The following ZNF609 variants were observed in gnomAD, a reference collection of about 807,000 sequenced individuals.
The protein encoded by ZNF609 is zinc finger protein 609.
A neutral mutation model predicts 109.5 loss-of-function variants in ZNF609; 11 were observed. That is an observed-to-expected ratio of 0.10 (90% CI 0.06 to 0.17). The LOEUF (loss-of-function observed/expected upper bound fraction) is 0.17. Among genes scored for constraint, ZNF609 ranks in the 10% least tolerant of loss-of-function variants. ZNF609 has a pLI of 1.00. For missense variants in ZNF609, 1,559 were observed against 1,772.4 expected (o/e 0.88, Z 2.16); for synonymous variants, 646 against 662.0 (o/e 0.98, Z 0.37).
At chr15:64,631,884 G>C (rs1896086992) in intron 3 of ZNF609, 1 of 156,660 alleles carries the variant, frequency 6.4e-6, no homozygotes, top group Admixed American at 6.5e-5. Context: ...AACATATATT[G>C]GGTGCCTCTC....
At chr15:64,497,473 A>G (rs1299722072) in intron 1 of ZNF609, among the ~76,000 whole-genome samples, 1 of 152,192 alleles carries the variant, frequency 6.6e-6, no homozygotes, top group Non-Finnish European at 1.5e-5. Context: ...CTCTGAGGGA[A>G]TAGGTAAAAA....
intron 2 of ZNF609, among the ~76,000 whole-genome samples, chr15:64,588,442 A>AAAAAAAAAAAAAAGAAGAAG (rs71133451): frequency 2.7e-5 from 2 of 75,282 alleles, no homozygotes; most frequent in African/African-American, 1.0e-4. Flanking sequence ...AAAAAAAAAA[A>AAAAAAAAAAAAAAGAAGAAG]AAGAAGAGGA....
chr15:64,562,504 A>G (rs1295306857), intron 2 of ZNF609, among the ~76,000 whole-genome samples: 1 of 152,152 alleles, frequency 6.6e-6, no homozygotes, highest in Non-Finnish European at 1.5e-5. Flanking sequence ...ATTTAATGTG[A>G]TGAAGGCACT....
rs909686618 is a variant in ZNF609, at chr15:64,635,836, A to G, written c.973+12784A>G. ...CCTCTTAATGATACCGGTGAGAACT[A>G]ACTCCATTTCTCTCTTTAACTCGCT... On this transcript the variant is annotated intron_variant, in intron 3 of 9. Coordinates refer to ENST00000326648, the MANE Select transcript of ZNF609 (RefSeq NM_015042.2). Among the ~76,000 whole-genome samples the G allele has an allele frequency of 4.6e-5, 7 of 150,746 alleles. No individual in the cohort carries two copies. The East Asian group carries it at 1.2e-3, about 25-fold the overall frequency.
rs1219679705 is a variant in ZNF609 at position 64,674,009 on chromosome 15, G to A, written c.1155G>A (p.Glu385=). The A allele has an allele frequency of 1.2e-6, 2 of 1,614,130 alleles. No individual in the cohort carries two copies. The highest frequency in any genetic ancestry group is 1.3e-5 in the African/African-American group (1 of 75,018). Residue 385 remains glutamate, a synonymous_variant, in exon 5 of 10, where the codon GAG becomes GAA. Transcript: ENST00000326648. The part of the protein sequence containing the change: ...MRPNSNTPVN[E]TATASDSKGT... The stretch of plus-strand genomic sequence containing the variant: ...CCAACAGTAATACACCTGTCAATGA[G>A]ACAGCCACAGCCTCTGACAGCAAAG...
In ZNF609 at chr15:64,680,236, C is replaced by T. The variant is rs1328077311; in HGVS notation, c.3821C>T (p.Ser1274Leu). The T allele has an allele frequency of 2.5e-6, 4 of 1,614,090 alleles. No individual in the cohort carries two copies. The highest frequency in any genetic ancestry group is 3.4e-6 in the Non-Finnish European group (4 of 1,180,058). The change falls in exon 7 of 10, where the codon TCA becomes TTA. Residue 1274 changes from serine (S) to leucine (L), a missense_variant. Physicochemically the swap from Ser to Leu is moderately radical, Grantham distance 145. Around this residue, in one of 4 missense-constraint regions of ZNF609, gnomAD observed 1,204 missense variants for 1,314.1 expected, o/e 0.92. Coordinates refer to ENST00000326648, the MANE Select transcript of ZNF609 (RefSeq NM_015042.2). ...TTTTCCCCATATGGCAGCAAGGTCT[C>T]AGGTGGTGAAGATGCTGACAAGGCA... ...YSFSPYGSKVSGGEDADKARA... is the reference protein window; with the variant it reads ...YSFSPYGSKVLGGEDADKARA...
chr15:64,497,732 G>A (rs140875218), intron 1 of ZNF609, among the ~76,000 whole-genome samples: 1 of 151,872 alleles, frequency 6.6e-6, no homozygotes, highest in East Asian at 1.9e-4. Context: ...GTGAAACCCC[G>A]TCTCTACTAA....
chr15:64,544,300 A>G (rs1214387046), intron 2 of ZNF609, among the ~76,000 whole-genome samples: 1 of 152,218 alleles, frequency 6.6e-6, no homozygotes, highest in Non-Finnish European at 1.5e-5. Flanking sequence ...AGATCATGCC[A>G]CTGCCCTCAG....
At chr15:64,479,881 T>C (rs766543925) in intron 1 of ZNF609, among the ~76,000 whole-genome samples, 2 of 151,708 alleles carry the variant, frequency 1.3e-5, no homozygotes, top group Non-Finnish European at 2.9e-5. Flanking sequence ...ATTGCACCAC[T>C]GTACTCCAGC....
chr15:64,563,111 C>G (rs1177787804), intron 2 of ZNF609, among the ~76,000 whole-genome samples: 2 of 151,876 alleles, frequency 1.3e-5, no homozygotes, highest in Non-Finnish European at 2.9e-5. Context: ...CCACTGCACT[C>G]CAGCCTGGGC....
At chr15:64,496,847 T>C (rs1474627163) in intron 1 of ZNF609, among the ~76,000 whole-genome samples, 1 of 152,012 alleles carries the variant, frequency 6.6e-6, no homozygotes, top group Admixed American at 6.6e-5. Flanking sequence ...AGCGTCTCGC[T>C]CTGTCACCCA....
At chr15:64,494,784 C>T (rs1285691821) in intron 1 of ZNF609, among the ~76,000 whole-genome samples, 1 of 152,124 alleles carries the variant, frequency 6.6e-6, no homozygotes, top group Non-Finnish European at 1.5e-5. Flanking sequence ...CTAGGCCTCC[C>T]AAAGTGCTGG....
At chr15:64,487,603 A>G (rs1893350583) in intron 1 of ZNF609, among the ~76,000 whole-genome samples, 1 of 150,238 alleles carries the variant, frequency 6.7e-6, no homozygotes, top group Non-Finnish European at 1.5e-5. Context: ...CCTTTGATTC[A>G]CAGGTGTTTT....
chr15:64,573,086 G>T (rs1027166553), intron 2 of ZNF609, among the ~76,000 whole-genome samples: 6 of 152,214 alleles, frequency 3.9e-5, no homozygotes, highest in Middle Eastern at 3.4e-3. Context: ...ATAGTACCTA[G>T]AACAGTGCCA....
intron 2 of ZNF609, among the ~76,000 whole-genome samples, chr15:64,616,522 T>C (rs2140966420): frequency 7.3e-6 from 1 of 137,302 alleles, no homozygotes; most frequent in African/African-American, 2.7e-5. Flanking sequence ...ATCTTTTTTT[T>C]TTTTTTTTTT....
intron 2 of ZNF609, among the ~76,000 whole-genome samples, chr15:64,588,253 TAAAAATACAAA>T (rs2140935559): frequency 2.5e-5 from 1 of 39,618 alleles, no homozygotes; most frequent in East Asian, 1.1e-3. Context: ...CCGTCTCTAC[TAAAAATACAAA>T]AAAAAAAAAC....
intron 3 of ZNF609, among the ~76,000 whole-genome samples, chr15:64,642,178 GTTTGTT>G (rs1896270125): frequency 6.6e-6 from 1 of 151,994 alleles, no homozygotes; most frequent in Non-Finnish European, 1.5e-5. Flanking sequence ...CAGGTTTTTG[GTTTGTT>G]TTTGTTTTTA....
At chr15:64,632,824 G>T (rs1896105329) in intron 3 of ZNF609, among the ~76,000 whole-genome samples, 1 of 151,672 alleles carries the variant, frequency 6.6e-6, no homozygotes, top group Non-Finnish European at 1.5e-5. Flanking sequence ...TCCCAGGCTG[G>T]AGTGCAGTGG....
chr15:64,516,598 A>G (rs72741384), intron 2 of ZNF609, among the ~76,000 whole-genome samples: 9,424 of 152,252 alleles, frequency 0.062, 293 homozygotes, highest in South Asian at 0.087. Flanking sequence ...GGCTGGTCTC[A>G]AACTCTTAAG....
Sources: allele counts gnomAD v4.1 joint callset (sites outside exome capture counted in the v4.1 genomes callset), GRCh38; gene constraint gnomAD v4.1.1; regional missense constraint gnomAD v4.1.1; transcripts MANE v1.5; gene names NCBI Gene and HGNC (gene_info 2026-07-23, HGNC 2026-07-21).